Variants in MRPS7 observed in about 807,000 individuals in gnomAD.
MRPS7 encodes mitochondrial ribosomal protein S7.
Under a neutral mutation model 26.2 loss-of-function variants are expected in MRPS7, and 13 were observed. The observed-to-expected ratio is 0.50, with a 90% confidence interval of 0.32 to 0.79. MRPS7 has a LOEUF of 0.79. MRPS7 is among the 30% of genes least tolerant of loss of function. The pLI is 0.03. For synonymous variants in MRPS7, 129 were observed against 113.3 expected (o/e 1.14, Z -0.88); for missense variants, 318 against 312.2 (o/e 1.02, Z -0.14).
rs115093728 is a variant in MRPS7 at position 75,265,882 on chromosome 17, G to A, written c.688G>A (p.Ala230Thr). The change falls in exon 5 of 5, where the codon GCA becomes ACA. Residue 230 changes from alanine (A) to threonine (T), a missense_variant. By Grantham distance (58) the Ala-to-Thr change is moderately conservative. Transcript: ENST00000245539. ...GAGGAAGCATGACTTGCACAAGATGGCAGAGGCCAACCGTGCCCTGGCCCA... is the reference window on the plus strand; with the variant it reads ...GAGGAAGCATGACTTGCACAAGATGACAGAGGCCAACCGTGCCCTGGCCCA... ...IKRKHDLHKMAEANRALAHYR... is the reference protein window; with the variant it reads ...IKRKHDLHKMTEANRALAHYR... 2.4e-4 allele frequency: 393 copies of A among 1,613,982 alleles called. 1 individual carries two copies. The African/African-American group carries it at 4.6e-3, about 19-fold the overall frequency.
rs186275094 is a variant in MRPS7, at chr17:75,262,973, T to A, written c.339+106T>A. 2.2e-4 allele frequency: 241 copies of A among 1,118,930 alleles called. 3 individuals are homozygous for A. The African/African-American group carries it at 2.8e-3, about 13-fold the overall frequency. 69.3% of individuals were successfully genotyped at this position (1,118,930 alleles called of 1,614,324 possible). A position where few individuals can be genotyped will look rare whatever the true frequency, so the allele number is the denominator to read the frequency against. On this transcript the variant is annotated intron_variant, in intron 3 of 4. Coordinates refer to ENST00000245539, the MANE Select transcript of MRPS7 (RefSeq NM_015971.4). ...AAGAGCAAATGGATTCATGTATCTA[T>A]TATTCAGATTAACTTCCCTGCATGT... is the stretch of plus-strand genomic sequence containing the variant.
At chr17:75,265,571 C>T (rs2077470072) in intron 4 of MRPS7, 131 bp from the exon 5 acceptor site, 4 of 734,492 alleles carry the variant, frequency 5.4e-6, no homozygotes, top group South Asian at 1.8e-5. Context: ...AAAAGACAGG[C>T]CCTTCTCCCC....
At chr17:75,264,766 GCCTCCC>G (rs2077459719) in intron 4 of MRPS7, among the ~76,000 whole-genome samples, 1 of 149,580 alleles carries the variant, frequency 6.7e-6, no homozygotes, top group Non-Finnish European at 1.5e-5. Context: ...TGCAGCCTCC[GCCTCCC>G]GGGTTCAAGA....
chr17:75,262,382 G>A (rs2077419124), intron 1 of MRPS7, 115 bp from the exon 2 acceptor site: 1 of 1,169,334 alleles, frequency 8.6e-7, no homozygotes, highest in African/African-American at 1.5e-5. Flanking sequence ...TTTAGCTCGC[G>A]GTCTCCGCGC....
At chr17:75,265,633 C>G (rs1460143762) in intron 4 of MRPS7, 69 bp from the exon 5 acceptor site, 1 of 1,363,118 alleles carries the variant, frequency 7.3e-7, no homozygotes, top group African/African-American at 1.4e-5. Context: ...CCTTAGAATT[C>G]AGGGAGGCAG....
intron 3 of MRPS7, 99 bp from the exon 4 acceptor site, chr17:75,263,241 G>T (rs1386441553): frequency 1.4e-6 from 2 of 1,452,920 alleles, no homozygotes. Flanking sequence ...CATTGCCAGC[G>T]CAGAACCAGA....
chr17:75,263,646 C>T, intron 4 of MRPS7, 139 bp downstream of exon 4: 4 of 1,098,512 alleles, frequency 3.6e-6, no homozygotes, highest in Admixed American at 2.2e-5. Flanking sequence ...ACTTTGGGAG[C>T]CTAATGCAGG....
chr17:75,265,643 G>C (rs1598481491), intron 4 of MRPS7, 59 bp from the exon 5 acceptor site: 1 of 1,453,614 alleles, frequency 6.9e-7, no homozygotes, highest in East Asian at 2.3e-5. Flanking sequence ...CAGGGAGGCA[G>C]GAGGCCCCAA....
rs767514979 is a variant in MRPS7, at chr17:75,262,602, A to G, written c.189A>G (p.Lys63=). The G allele has an allele frequency of 2.1e-5, 34 of 1,614,026 alleles. No individual in the cohort carries two copies. Among genetic ancestry groups the G allele is most frequent in the Middle Eastern group, 1.6e-4 (1 of 6,084 alleles). ...KPVEELTEEE[K]YVRELKKTQL... ...TGGAGGAGCTAACTGAGGAGGAGAA[A>G]TATGTTCGGGAGCTCAAGAAGACTC... The change falls in exon 2 of 5, where the codon AAA becomes AAG. Residue 63 remains lysine, a synonymous_variant. Transcript: ENST00000245539.
rs952143909 is a variant in MRPS7, at chr17:75,266,165, A to G, written c.*242A>G. 1.8e-6 allele frequency: 1 copy of G among 549,802 alleles called. No homozygotes were observed. Among genetic ancestry groups the G allele is most frequent in the Non-Finnish European group, 3.3e-6 (1 of 307,314 alleles). The allele number at this position is 549,802 out of a possible 1,614,324, so 34.1% of individuals were successfully genotyped here. On this transcript the variant is annotated 3_prime_UTR_variant, in exon 5 of 5. Transcript: ENST00000245539. ...ATTGACTTGGGAATTTCCTCCAGGA[A>G]ACTCAGGGCTGTTTTCTCTTCCCTT... is the stretch of plus-strand genomic sequence containing the variant.
chr17:75,262,952 G>T, intron 3 of MRPS7, 85 bp downstream of exon 3: 4 of 1,306,882 alleles, frequency 3.1e-6, no homozygotes, highest in Non-Finnish European at 4.4e-6. Context: ...TAGCTTAAGA[G>T]CAAATGGATT....
chr17:75,262,463 C>G, intron 1 of MRPS7, 34 bp from the exon 2 acceptor site: 1 of 1,606,036 alleles, frequency 6.2e-7, no homozygotes, highest in South Asian at 1.1e-5. Flanking sequence ...GTGGAGTCAG[C>G]TTTTGCCTGC....
Position 75,265,990 on chromosome 17 carries a change from C to T in MRPS7, c.*67C>T. 3 of 1,469,360 alleles carry T rather than the reference C, an allele frequency of 2.0e-6. No homozygotes were observed. Among genetic ancestry groups the T allele is most frequent in the Non-Finnish European group, 2.8e-6 (3 of 1,062,694 alleles). 91.0% of individuals were successfully genotyped at this position (1,469,360 alleles called of 1,614,324 possible). On this transcript the variant is annotated 3_prime_UTR_variant, in exon 5 of 5. Transcript: ENST00000245539. ...GTGTGAGCTACTGCCACGCTGAAAA[C>T]TACCTGTGGGTTAAGGATGTAGTTC...
chr17:75,263,444 A>C lies in MRPS7; in HGVS notation c.444A>C (p.Ala148=). 6.2e-7 allele frequency: 1 copy of C among 1,614,098 alleles called. No individual in the cohort carries two copies. The highest frequency in any genetic ancestry group is 8.5e-7 in the Non-Finnish European group (1 of 1,180,032). Residue 148 remains alanine, a synonymous_variant, in exon 4 of 5, where the codon GCA becomes GCC. Transcript: ENST00000245539. The stretch of plus-strand genomic sequence containing the variant: ...ACCCCTACACCATCTTCCATCAAGC[A>C]CTGAAAAACTGTGAGCCTATGATTG... ...ERNPYTIFHQ[A]LKNCEPMIGL... is the part of the protein sequence containing the mutation.
chr17:75,266,008 T>TG lies in MRPS7; in HGVS notation c.*86dup. The TG allele has an allele frequency of 7.7e-7, 1 of 1,293,316 alleles. No homozygotes were observed. Among genetic ancestry groups the TG allele is most frequent in the Non-Finnish European group, 1.1e-6 (1 of 916,654 alleles). 80.1% of individuals were successfully genotyped at this position (1,293,316 alleles called of 1,614,324 possible). On this transcript the variant is annotated 3_prime_UTR_variant, in exon 5 of 5. Coordinates refer to ENST00000245539, the MANE Select transcript of MRPS7 (RefSeq NM_015971.4). ...CTGAAAACTACCTGTGGGTTAAGGA[T>TG]GTAGTTCCTTTGTAAGGGTGGGCAG...
intron 4 of MRPS7, 74 bp from the exon 5 acceptor site, chr17:75,265,628 G>C: frequency 7.5e-7 from 1 of 1,326,818 alleles, no homozygotes; most frequent in South Asian, 1.2e-5. Flanking sequence ...CTACTCCTTA[G>C]AATTCAGGGA....
In MRPS7 at chr17:75,262,590, T is replaced by A; in HGVS notation, c.177T>A (p.Thr59=). The stretch of plus-strand genomic sequence containing the variant: ...ATCGCAAGCCAGTGGAGGAGCTAAC[T>A]GAGGAGGAGAAATATGTTCGGGAGC... ...EYYRKPVEEL[T]EEEKYVRELK... The change falls in exon 2 of 5, where the codon ACT becomes ACA. Residue 59 remains threonine, a synonymous_variant. Coordinates refer to ENST00000245539, the MANE Select transcript of MRPS7 (RefSeq NM_015971.4). 1 of 1,614,070 alleles carries A rather than the reference T, an allele frequency of 6.2e-7. No homozygotes were observed. Among genetic ancestry groups the A allele is most frequent in the Non-Finnish European group, 8.5e-7 (1 of 1,180,014 alleles).
chr17:75,262,480 C>CT lies in MRPS7; in HGVS notation c.84-14dup, dbSNP rs1216564912. On this transcript the variant is annotated splice_polypyrimidine_tract_variant and intron_variant, in intron 1 of 4. Coordinates refer to ENST00000245539, the MANE Select transcript of MRPS7 (RefSeq NM_015971.4). ...GGAGTCAGCTTTTGCCTGCCTCCTC[C>CT]TTTCCCCCCCTCCCAGGCTAACTCA... 2 of 1,611,664 alleles carry CT rather than the reference C, an allele frequency of 1.2e-6. No homozygotes were observed. The highest frequency in any genetic ancestry group is 1.7e-5 in the Admixed American group (1 of 59,862).
chr17:75,264,722 G>C (rs891982288), intron 4 of MRPS7, among the ~76,000 whole-genome samples: 1 of 150,310 alleles, frequency 6.7e-6, no homozygotes, highest in Non-Finnish European at 1.5e-5. Flanking sequence ...GCCCAGACTG[G>C]AGTGCAGTGC....
Sources: gnomAD v4.1 joint callset for allele counts (sites outside exome capture counted in the v4.1 genomes callset) on GRCh38, gnomAD v4.1.1 for gene constraint, MANE v1.5 for transcripts, NCBI Gene and HGNC (gene_info 2026-07-23, HGNC 2026-07-21) for gene names.